ZNF692: variants seen among roughly 807,000 people sequenced by gnomAD.
ZNF692 encodes AICAR responsive element binding protein.
Under a neutral mutation model 49.0 loss-of-function variants are expected in ZNF692, and 41 were observed. The observed-to-expected ratio is 0.84, with a 90% CI of 0.65 to 1.08. ZNF692 has a LOEUF of 1.08. Among genes scored for constraint, ZNF692 ranks in the 50% least tolerant of loss-of-function variants. The pLI is 0.00. For synonymous variants in ZNF692, 288 were observed against 251.5 expected (o/e 1.15, Z -1.37); for missense variants, 662 against 662.2 (o/e 1.00, Z 0.00).
chr1:248,858,861 G>C lies in ZNF692; in HGVS notation c.-13+57C>G. On this transcript the variant is annotated intron_variant, in intron 1 of 11. Coordinates refer to ENST00000306601, the MANE Select transcript of ZNF692 (RefSeq NM_017865.4). The surrounding 1 kb of genome is among the most constrained non-coding windows in gnomAD (Gnocchi z 4.3). The stretch of plus-strand genomic sequence containing the variant: ...GTGAGTGGAGCGGACTAATCCCAAT[G>C]GCAGTTCCCAGGCTGCCCAGAGCCC... 1 of 423,028 alleles carries C rather than the reference G, an allele frequency of 2.4e-6. No homozygotes were observed. Among genetic ancestry groups the C allele is most frequent in the Non-Finnish European group, 4.4e-6 (1 of 227,106 alleles). The allele number at this position is 423,028 out of a possible 1,614,324, so 26.2% of individuals were successfully genotyped here.
chr1:248,858,194 C>T lies in ZNF692; in HGVS notation c.116G>A (p.Cys39Tyr), dbSNP rs371000809. The T allele has an allele frequency of 5.7e-6, 9 of 1,586,206 alleles. No individual in the cohort carries two copies. The African/African-American group carries it at 1.1e-4, about 19-fold the overall frequency. Residue 39 changes from cysteine to tyrosine, a missense_variant, in exon 2 of 12, where the codon TGC becomes TAC. Transcript: ENST00000306601. The surrounding 1 kb of genome is among the most constrained non-coding windows in gnomAD (Gnocchi z 4.3). ...IRLGGHMEQW[C>Y]LLKERLGFSL... ...GAAGCCCAGCCGCTCCTTGAGGAGG[C>T]ACCACTGCTCCATGTGGCCGCCCAG...
At position 248,857,296 on chromosome 1, in the gene ZNF692, G is replaced by C; in HGVS notation, c.413C>G (p.Ser138Cys). ...ACTTCTCCGAGTAGTATGTGGAAGG[G>C]AGGCTGGCTTGGGTGCCTCTGAAGG... Reference protein sequence around the residue: ...PTPSEAPKPASLPHTTRRSWC... With the variant: ...PTPSEAPKPACLPHTTRRSWC... Residue 138 changes from serine to cysteine, a missense_variant, in exon 4 of 12, where the codon TCC (serine) becomes TGC (cysteine). Coordinates refer to ENST00000306601, the MANE Select transcript of ZNF692 (RefSeq NM_017865.4). 6.2e-7 allele frequency: 1 copy of C among 1,614,190 alleles called. No individual in the cohort carries two copies. The highest frequency in any genetic ancestry group is 8.5e-7 in the Non-Finnish European group (1 of 1,180,032).
At position 248,850,160 on chromosome 1, in the gene ZNF692, C is replaced by A; in HGVS notation, c.*50G>T. 1.3e-6 allele frequency: 2 copies of A among 1,503,308 alleles called. No homozygotes were observed. Among genetic ancestry groups the A allele is most frequent in the Non-Finnish European group, 1.8e-6 (2 of 1,125,946 alleles). 93.1% of individuals were successfully genotyped at this position (1,503,308 alleles called of 1,614,324 possible). On this transcript the variant is annotated 3_prime_UTR_variant, in exon 12 of 12. Coordinates refer to ENST00000306601, the MANE Select transcript of ZNF692 (RefSeq NM_017865.4). ...CAAGCAGACCCTCTCCTTGTTGCTC[C>A]TTTTCAGTCCCTGGAGTCTGGCTTC... is the stretch of plus-strand genomic sequence containing the variant.
In ZNF692 at chr1:248,858,848, G is replaced by A; in HGVS notation, c.-13+70C>T. On this transcript the variant is annotated intron_variant, in intron 1 of 11. Coordinates refer to ENST00000306601, the MANE Select transcript of ZNF692 (RefSeq NM_017865.4). The surrounding 1 kb of genome is among the most constrained non-coding windows in gnomAD (Gnocchi z 4.3). ...CTTAATGCTGACAGTGAGTGGAGCG[G>A]ACTAATCCCAATGGCAGTTCCCAGG... 1 of 482,658 alleles carries A rather than the reference G, an allele frequency of 2.1e-6. No individual in the cohort carries two copies. Among genetic ancestry groups the A allele is most frequent in the East Asian group, 3.7e-5 (1 of 26,762 alleles). The allele number at this position is 482,658 out of a possible 1,614,324, so 29.9% of individuals were successfully genotyped here.
chr1:248,854,135 A>G (rs28590123), intron 9 of ZNF692, 84 bp from the exon 10 acceptor site: 2 of 1,013,526 alleles, frequency 2.0e-6, no homozygotes, highest in Non-Finnish European at 3.1e-6. Flanking sequence ...CTGACCCGGC[A>G]GGCATGCTCC....
chr1:248,858,505 G>A lies in ZNF692; in HGVS notation c.-12-184C>T, dbSNP rs1209057076. ...CTATGATACAGGGTGTTGAAGCTCA[G>A]CGCTACCATGTGAGTGTCGTCGGGT... is the stretch of plus-strand genomic sequence containing the variant. On this transcript the variant is annotated intron_variant, in intron 1 of 11. Transcript: ENST00000306601. This position sits in a 1 kb window ranked among gnomAD's most constrained non-coding sequence, Gnocchi z 4.3. The A allele has an allele frequency of 1.9e-6, 3 of 1,551,772 alleles. No homozygotes were observed. In the South Asian group the frequency reaches 3.6e-5, roughly 18 times the overall value.
intron 10 of ZNF692, among the ~76,000 whole-genome samples, chr1:248,851,163 C>T (rs1194684130): frequency 1.3e-5 from 2 of 152,090 alleles, no homozygotes; most frequent in Non-Finnish European, 2.9e-5. Context: ...TGGGCAGCAG[C>T]CAAGCAGAAC....
At position 248,858,345 on chromosome 1, in the gene ZNF692, C is replaced by T. The variant is rs1193960652; in HGVS notation, c.-12-24G>A. 2.6e-6 allele frequency: 4 copies of T among 1,528,222 alleles called. No individual in the cohort carries two copies. The highest frequency in any genetic ancestry group is 3.5e-6 in the Non-Finnish European group (4 of 1,132,668). The allele number at this position is 1,528,222 out of a possible 1,614,324, so 94.7% of individuals were successfully genotyped here. ...GGCTGGAGGGTGGAAGGGACGTCTTCAGCGCCCTGCCGATCTCGGGGGTCG... is the reference window on the plus strand; with the variant it reads ...GGCTGGAGGGTGGAAGGGACGTCTTTAGCGCCCTGCCGATCTCGGGGGTCG... On this transcript the variant is annotated intron_variant, in intron 1 of 11. Coordinates refer to ENST00000306601, the MANE Select transcript of ZNF692 (RefSeq NM_017865.4). This position sits in a 1 kb window ranked among gnomAD's most constrained non-coding sequence, Gnocchi z 4.3.
intron 10 of ZNF692, among the ~76,000 whole-genome samples, chr1:248,851,535 C>T (rs532490622): frequency 1.3e-5 from 2 of 152,110 alleles, no homozygotes; most frequent in South Asian, 2.1e-4. Flanking sequence ...CTCTGAAGAC[C>T]GCACCATCAG....
chr1:248,854,075 G>A (rs1237530424), intron 9 of ZNF692, 24 bp from the exon 10 acceptor site: 1 of 1,577,032 alleles, frequency 6.3e-7, no homozygotes. Context: ...TGGGTGGTAG[G>A]GAGAGAAGAG....
At chr1:248,856,229 C>T (rs1660217681) in intron 6 of ZNF692, 59 bp downstream of exon 6, 3 of 1,532,820 alleles carry the variant, frequency 2.0e-6, no homozygotes, top group Middle Eastern at 2.0e-4. Context: ...AAGCCATGAA[C>T]TGCCAGGCCA....
Position 248,858,818 on chromosome 1 carries a change from C to A in ZNF692, c.-13+100G>T. On this transcript the variant is annotated intron_variant, in intron 1 of 11. Transcript: ENST00000306601. The surrounding 1 kb of genome is among the most constrained non-coding windows in gnomAD (Gnocchi z 4.3). ...CCCCCATCCACCCCGTCTTGGGCAC[C>A]CCCACTTAATGCTGACAGTGAGTGG... 1.8e-6 allele frequency: 1 copy of A among 562,834 alleles called. No homozygotes were observed. Among genetic ancestry groups the A allele is most frequent in the Non-Finnish European group, 3.2e-6 (1 of 312,670 alleles). The allele number at this position is 562,834 out of a possible 1,614,324, so 34.9% of individuals were successfully genotyped here.
chr1:248,853,164 GCA>G (rs1659802550), intron 10 of ZNF692, among the ~76,000 whole-genome samples: 1 of 152,086 alleles, frequency 6.6e-6, no homozygotes, highest in Non-Finnish European at 1.5e-5. Context: ...GGCTCCATCT[GCA>G]CACACACTGG....
At position 248,852,401 on chromosome 1, in the gene ZNF692, C is replaced by T. The variant is rs148171487; in HGVS notation, c.1153+1536G>A. 3.6e-3 allele frequency among the ~76,000 whole-genome samples: 549 copies of T among 152,260 alleles called. 7 individuals carry two copies. The highest frequency in any genetic ancestry group is 0.018 in the South Asian group (85 of 4,828). The stretch of plus-strand genomic sequence containing the variant: ...CTGCTCAAACTGTTCCCCCGGCAGC[C>T]CTCCACTGTGCCCCTCAAGACCAAC... On this transcript the variant is annotated intron_variant, in intron 10 of 11. Coordinates refer to ENST00000306601, the MANE Select transcript of ZNF692 (RefSeq NM_017865.4).
rs771577683 is a variant in ZNF692 at position 248,850,482 on chromosome 1, C to A, written c.1288G>T (p.Ala430Ser). 1.7e-5 allele frequency: 27 copies of A among 1,611,102 alleles called. No homozygotes were observed. The highest frequency in any genetic ancestry group is 2.2e-5 in the Non-Finnish European group (26 of 1,178,370). ...EICGFTCRQK[A>S]SLNWHQRKHA... ...TTGCGCTGGTGCCAGTTCAGGGAAG[C>A]CTTCTGGCGGCAGGTAAACCCGCAT... Residue 430 changes from alanine (A) to serine (S), a missense_variant, in exon 12 of 12, where the codon GCT (alanine) becomes TCT (serine). Physicochemically the swap from Ala to Ser is moderately conservative, Grantham distance 99. Transcript: ENST00000306601.
Position 248,850,047 on chromosome 1 carries a change from A to C in ZNF692, c.*163T>G. 3.0e-6 allele frequency: 2 copies of C among 668,340 alleles called. No homozygotes were observed. Among genetic ancestry groups the C allele is most frequent in the Non-Finnish European group, 4.8e-6 (2 of 418,804 alleles). The allele number at this position is 668,340 out of a possible 1,614,324, so 41.4% of individuals were successfully genotyped here. ...TTTATTTTGTCCTTTAGGAAGACTA[A>C]AGTAGTCCAGCTCCCCTACAGCCCA... On this transcript the variant is annotated 3_prime_UTR_variant, in exon 12 of 12. Transcript: ENST00000306601.
chr1:248,856,560 A>C lies in ZNF692; in HGVS notation c.478T>G (p.Leu160Val). ...GTCCTCTCATCATGCTCAGATTCCA[A>C]ATCTGTGGGACAGGCAAAGTCAAAA... is the stretch of plus-strand genomic sequence containing the variant. Reference protein sequence around the residue: ...EATSGQELADLESEHDERTQE... With the variant: ...EATSGQELADVESEHDERTQE... The change falls in exon 5 of 12, where the codon TTG becomes GTG. Residue 160 changes from leucine to valine, a missense_variant and splice_region_variant. Leu to Val is a conservative substitution (Grantham distance 32). Coordinates refer to ENST00000306601, the MANE Select transcript of ZNF692 (RefSeq NM_017865.4). 3 of 1,614,092 alleles carry C rather than the reference A, an allele frequency of 1.9e-6. No individual in the cohort carries two copies. Among genetic ancestry groups the C allele is most frequent in the Non-Finnish European group, 2.5e-6 (3 of 1,180,014 alleles).
Position 248,857,468 on chromosome 1 carries a change from G to A in ZNF692, c.241C>T (p.Gln81Ter), listed in dbSNP as rs764004122. 6.2e-7 allele frequency: 1 copy of A among 1,613,896 alleles called. No individual in the cohort carries two copies. Among genetic ancestry groups the A allele is most frequent in the Non-Finnish European group, 8.5e-7 (1 of 1,179,954 alleles). ...GCATGAGACAAGAGCACCAGATACT[G>A]CAGACCTTTTGGAGGCAAAGGCTCA... ...GPEPLPPKGL[Q>*]YLVLLSHAHS... Residue 81 changes from glutamine (Q) to a stop codon, truncating the protein, a stop_gained, in exon 4 of 12, where the codon CAG (glutamine) becomes TAG (stop). Transcript: ENST00000306601. LOFTEE classifies it high-confidence loss of function.
At chr1:248,850,594 C>T in intron 11 of ZNF692, 78 bp from the exon 12 acceptor site, 1 of 1,597,020 alleles carries the variant, frequency 6.3e-7, no homozygotes, top group Non-Finnish European at 8.6e-7. Flanking sequence ...TCCTGCTCCC[C>T]ACTGCCTAGG....
Sources: gnomAD v4.1 joint callset for allele counts (sites outside exome capture counted in the v4.1 genomes callset) on GRCh38, gnomAD v4.1.1 for gene constraint, Gnocchi (gnomAD v3.1) non-coding constraint, MANE v1.5 for transcripts, NCBI Gene and HGNC (gene_info 2026-07-23, HGNC 2026-07-21) for gene names.